UBP1: variants seen among roughly 807,000 people sequenced by gnomAD.
The protein encoded by UBP1 is upstream-binding protein 1.
In UBP1, 22 loss-of-function variants were observed where a neutral mutation model predicts 76.1. The ratio of observed to expected loss-of-function variants is 0.29; its 90% confidence interval spans 0.21 to 0.41. The LOEUF is 0.41. UBP1 is among the 10% of genes least tolerant of loss of function. The probability of loss-of-function intolerance (pLI) is 1.00; values close to 1 mark genes in which losing one functional copy is unlikely to be tolerated. For synonymous variants in UBP1, 224 were observed against 237.1 expected, an observed-to-expected ratio of 0.94 and a Z score of 0.51; for missense variants, 436 against 668.1, an observed-to-expected ratio of 0.65 and a Z score of 3.83.
At chr3:33,395,227 C>A (rs2043927808) in intron 13 of UBP1, among the ~76,000 whole-genome samples, 1 of 152,032 alleles carries the variant, frequency 6.6e-6, no homozygotes, top group Non-Finnish European at 1.5e-5. Flanking sequence ...AGTAGTGATG[C>A]TATCCTTCCA....
chr3:33,409,704 C>A lies in UBP1; in HGVS notation c.556-103G>T, dbSNP rs995174745. The A allele has an allele frequency of 8.6e-5, 124 of 1,437,976 alleles. No homozygotes were observed. The East Asian group carries it at 2.5e-3, about 29-fold the overall frequency. The allele number at this position is 1,437,976 out of a possible 1,614,324, so 89.1% of individuals were successfully genotyped here. ...CCTGACACCACTATAAATTCAAGAT[C>A]CTTTAAAATAAACTCATCACACATA... On this transcript the variant is annotated intron_variant, in intron 5 of 15. Coordinates refer to ENST00000283629, the MANE Select transcript of UBP1 (RefSeq NM_014517.5).
rs2043695608 is a variant in UBP1 at position 33,390,041 on chromosome 3, A to G, written c.*290T>C. On this transcript the variant is annotated 3_prime_UTR_variant, in exon 16 of 16. Transcript: ENST00000283629. ...AAGACAGCAAAGGCTGCTTCTAGGA[A>G]CTGTATTTACTGGCCTCTGCCAGAG... 1 of 382,744 alleles carries G rather than the reference A, an allele frequency of 2.6e-6. No individual in the cohort carries two copies. Among genetic ancestry groups the G allele is most frequent in the South Asian group, 8.5e-5 (1 of 11,774 alleles). The allele number at this position is 382,744 out of a possible 1,614,324, so 23.7% of individuals were successfully genotyped here.
In UBP1 at chr3:33,400,282, G is replaced by T; in HGVS notation, c.1087C>A (p.Gln363Lys). 6.3e-7 allele frequency: 1 copy of T among 1,591,722 alleles called. No homozygotes were observed. Among genetic ancestry groups the T allele is most frequent in the Non-Finnish European group, 8.5e-7 (1 of 1,172,826 alleles). ...GDGASQTSGE[Q>K]IQPSATIQET... ...TGGATCGTAGCTGAAGGCTGAATTTGCTATTAACAATGAAAATGAACATAA... is the reference window on the plus strand; with the variant it reads ...TGGATCGTAGCTGAAGGCTGAATTTTCTATTAACAATGAAAATGAACATAA... The change falls in exon 11 of 16, where the codon CAA becomes AAA. Residue 363 changes from glutamine to lysine, a missense_variant and splice_region_variant. Physicochemically the swap from Gln to Lys is moderately conservative, Grantham distance 53 (BLOSUM62 1). Transcript: ENST00000283629.
At chr3:33,416,679 G>T in intron 3 of UBP1, 79 bp downstream of exon 3, 1 of 1,122,506 alleles carries the variant, frequency 8.9e-7, no homozygotes, top group Non-Finnish European at 1.3e-6. Context: ...AATTATTGAA[G>T]TGAAATTAAT....
At chr3:33,433,775 C>A (rs1175525127) in intron 1 of UBP1, among the ~76,000 whole-genome samples, 1 of 152,004 alleles carries the variant, frequency 6.6e-6, no homozygotes, top group Non-Finnish European at 1.5e-5. Flanking sequence ...AAGCTGGGCA[C>A]CATGTGGCCC....
intron 8 of UBP1, among the ~76,000 whole-genome samples, chr3:33,406,245 A>G (rs1370828636): frequency 6.6e-6 from 1 of 152,168 alleles, no homozygotes; most frequent in African/African-American, 2.4e-5. Context: ...CCCATCTCAA[A>G]AAAATAAATA....
intron 2 of UBP1, among the ~76,000 whole-genome samples, chr3:33,417,566 A>G (rs535935504): frequency 7.2e-5 from 11 of 152,284 alleles, no homozygotes; most frequent in Admixed American, 6.5e-4. Flanking sequence ...CAGCTGATGG[A>G]TATTTGGGTT....
intron 1 of UBP1, among the ~76,000 whole-genome samples, chr3:33,429,097 C>T (rs1395031557): frequency 3.9e-5 from 6 of 152,170 alleles, no homozygotes; most frequent in South Asian, 2.1e-4. Flanking sequence ...ACTCCAAATA[C>T]GTGTTTCTTC....
At chr3:33,429,849 G>A (rs923228400) in intron 1 of UBP1, among the ~76,000 whole-genome samples, 2 of 152,238 alleles carry the variant, frequency 1.3e-5, no homozygotes, top group South Asian at 4.1e-4. Flanking sequence ...GTGAGGCAGA[G>A]ACTGCACTGT....
chr3:33,412,884 A>G, intron 3 of UBP1, 57 bp from the exon 4 acceptor site: 1 of 1,091,702 alleles, frequency 9.2e-7, no homozygotes, highest in Non-Finnish European at 1.4e-6. Flanking sequence ...AAAATGCAGG[A>G]CCATTTCTAC....
At chr3:33,435,190 C>G (rs946079952) in intron 1 of UBP1, among the ~76,000 whole-genome samples, 2 of 152,082 alleles carry the variant, frequency 1.3e-5, no homozygotes, top group African/African-American at 4.8e-5. Context: ...ATTTCCTGTA[C>G]TGCAGCCAAG....
intron 9 of UBP1, among the ~76,000 whole-genome samples, chr3:33,401,285 T>TCC (rs1241557422): frequency 6.6e-6 from 1 of 152,122 alleles, no homozygotes; most frequent in African/African-American, 2.4e-5. Flanking sequence ...CAAAAGGGCT[T>TCC]CCCCAATTAT....
In UBP1 at chr3:33,428,620, C is replaced by T. The variant is rs578060213; in HGVS notation, c.114-2879G>A. On this transcript the variant is annotated intron_variant, in intron 1 of 15. Transcript: ENST00000283629. ...AAGTGCTAAACGACTCCTGAACAAA[C>T]ATATAAACATGTAAAGATTATTTGC... Among the ~76,000 whole-genome samples, 9 of 152,164 alleles carry T rather than the reference C, an allele frequency of 5.9e-5. 1 individual carries two copies. The South Asian group carries it at 1.9e-3, about 32-fold the overall frequency.
chr3:33,395,463 C>T (rs1459599505), intron 13 of UBP1, among the ~76,000 whole-genome samples: 1 of 151,102 alleles, frequency 6.6e-6, no homozygotes, highest in East Asian at 1.9e-4. Flanking sequence ...TTTTTAAGGG[C>T]CATATTTAGA....
At chr3:33,397,442 G>A (rs2044046309) in intron 11 of UBP1, 1 of 189,368 alleles carries the variant, frequency 5.3e-6, no homozygotes, top group Non-Finnish European at 1.1e-5. Context: ...CTTATTTAGT[G>A]ACTGGGTTGT....
At chr3:33,438,204 C>G (rs2045232123) in intron 1 of UBP1, among the ~76,000 whole-genome samples, 1 of 152,290 alleles carries the variant, frequency 6.6e-6, no homozygotes, top group Non-Finnish European at 1.5e-5. Flanking sequence ...ATCACTAAAT[C>G]AAAGTACAGG....
intron 1 of UBP1, among the ~76,000 whole-genome samples, chr3:33,429,437 C>T (rs886144909): frequency 6.6e-6 from 1 of 151,940 alleles, no homozygotes; most frequent in Non-Finnish European, 1.5e-5. Flanking sequence ...CAGCCTCAAC[C>T]TCCCACCTCA....
At chr3:33,394,962 A>G (rs1002165197) in intron 13 of UBP1, among the ~76,000 whole-genome samples, 3 of 152,076 alleles carry the variant, frequency 2.0e-5, no homozygotes, top group African/African-American at 7.2e-5. Context: ...GGAAATATTT[A>G]CTACCTGACC....
At chr3:33,390,602 T>C in intron 15 of UBP1, 1 of 564,030 alleles carries the variant, frequency 1.8e-6, no homozygotes, top group East Asian at 3.0e-5. Flanking sequence ...AACGCCCGCA[T>C]TCCAACACTG....
Sources: allele counts gnomAD v4.1 joint callset (sites outside exome capture counted in the v4.1 genomes callset), GRCh38; gene constraint gnomAD v4.1.1; transcripts MANE v1.5; gene names NCBI Gene and HGNC (gene_info 2026-07-23, HGNC 2026-07-21).